OSBPL8: variants seen among roughly 807,000 people sequenced by gnomAD.
OSBPL8 encodes oxysterol-binding protein-related protein 8.
OSBPL8 carries 59 observed loss-of-function variants against 125.5 expected under a neutral mutation model. That is an observed-to-expected ratio of 0.47 (90% CI 0.38 to 0.58). The LOEUF is 0.58. OSBPL8 is among the 20% of genes least tolerant of loss of function. The pLI is 0.00. For synonymous variants in OSBPL8, 330 were observed against 338.9 expected, an observed-to-expected ratio of 0.97 and a Z score of 0.29; for missense variants, 758 against 1,047.8, an observed-to-expected ratio of 0.72 and a Z score of 3.82.
chr12:76,401,240 T>C (rs1954040650), intron 6 of OSBPL8, among the ~76,000 whole-genome samples: 1 of 152,198 alleles, frequency 6.6e-6, no homozygotes, highest in African/African-American at 2.4e-5. Context: ...TTTTCAGACC[T>C]TTTCTAAGTA....
At chr12:76,429,307 A>G (rs1030750391) in intron 4 of OSBPL8, among the ~76,000 whole-genome samples, 95 of 119,624 alleles carry the variant, frequency 7.9e-4, no homozygotes, top group African/African-American at 2.4e-3. Flanking sequence ...AAATCATCCA[A>G]TAAAAATTTA....
chr12:76,505,483 T>A (rs1392757063), intron 1 of OSBPL8, among the ~76,000 whole-genome samples: 1 of 152,150 alleles, frequency 6.6e-6, no homozygotes, highest in African/African-American at 2.4e-5. Flanking sequence ...GATAATTTTT[T>A]AAAATTAAAC....
rs1354578738 is a variant in OSBPL8, at chr12:76,516,285, G to GA, written c.-67-28668dup. 1.7e-4 allele frequency among the ~76,000 whole-genome samples: 26 copies of GA among 152,176 alleles called. 1 individual carries two copies. The highest frequency in any genetic ancestry group is 1.7e-3 in the Admixed American group (26 of 15,276). On this transcript the variant is annotated intron_variant, in intron 1 of 23. Transcript: ENST00000261183. Reference sequence around the variant, plus strand: ...GAAAGACATTTTTAACACCAGGGATGAAAAATCAAGACCAAGAGAAATCTG... The same window carrying GA: ...GAAAGACATTTTTAACACCAGGGATGAAAAAATCAAGACCAAGAGAAATCTG...
intron 4 of OSBPL8, among the ~76,000 whole-genome samples, chr12:76,413,835 T>A (rs1170692208): frequency 1.3e-5 from 2 of 152,206 alleles, no homozygotes; most frequent in Non-Finnish European, 2.9e-5. Context: ...ATAGTCTAGA[T>A]ACTAGTCCTT....
intron 1 of OSBPL8, among the ~76,000 whole-genome samples, chr12:76,490,647 T>C (rs1266645955): frequency 6.6e-6 from 1 of 152,226 alleles, no homozygotes; most frequent in Non-Finnish European, 1.5e-5. Flanking sequence ...AATTTGTTCA[T>C]GTAACCTCAT....
intron 23 of OSBPL8, 116 bp from the exon 24 acceptor site, chr12:76,356,137 T>C: frequency 6.8e-6 from 1 of 147,828 alleles, no homozygotes; most frequent in Non-Finnish European, 1.1e-5. Context: ...TTTTAGTTGC[T>C]GGGTCATGGG....
intron 1 of OSBPL8, among the ~76,000 whole-genome samples, chr12:76,533,861 T>C (rs1950418419): frequency 6.6e-6 from 1 of 152,210 alleles, no homozygotes; most frequent in Non-Finnish European, 1.5e-5. Flanking sequence ...CTATAGTCAT[T>C]TCCAGTAGGT....
chr12:76,453,906 A>G (rs1276257446), intron 3 of OSBPL8, among the ~76,000 whole-genome samples: 1 of 152,226 alleles, frequency 6.6e-6, no homozygotes, highest in African/African-American at 2.4e-5. Context: ...ACAGTGATTC[A>G]CAAAAGAAAA....
rs143891127 is a variant in OSBPL8, at chr12:76,408,233, G to A, written c.288+2331C>T. 2.0e-3 allele frequency among the ~76,000 whole-genome samples: 299 copies of A among 151,286 alleles called. 1 individual carries two copies. The highest frequency in any genetic ancestry group is 6.8e-3 in the African/African-American group (281 of 41,252). The stretch of plus-strand genomic sequence containing the variant: ...TCCCAGCATTCTGGGAGGCCGAGGC[G>A]GGCAGATTACAAGGTCAGGAGATCG... On this transcript the variant is annotated intron_variant, in intron 5 of 23. Transcript: ENST00000261183.
intron 4 of OSBPL8, among the ~76,000 whole-genome samples, chr12:76,425,234 A>G (rs1467728303): frequency 6.6e-6 from 1 of 152,210 alleles, no homozygotes; most frequent in Admixed American, 6.5e-5. Context: ...GCAAGGTCTC[A>G]AAATTTTATT....
chr12:76,507,639 G>A (rs1880544091), intron 1 of OSBPL8, among the ~76,000 whole-genome samples: 1 of 151,446 alleles, frequency 6.6e-6, no homozygotes, highest in South Asian at 2.1e-4. Flanking sequence ...GGCCAACATG[G>A]TGAAACCCCA....
chr12:76,496,465 G>C (rs1480434119), intron 1 of OSBPL8, among the ~76,000 whole-genome samples: 2 of 151,770 alleles, frequency 1.3e-5, no homozygotes, highest in Non-Finnish European at 1.5e-5. Context: ...CAACCACCTG[G>C]GTGCAAGCAA....
intron 4 of OSBPL8, among the ~76,000 whole-genome samples, chr12:76,417,358 T>C (rs1212997029): frequency 6.6e-6 from 1 of 152,222 alleles, no homozygotes; most frequent in Non-Finnish European, 1.5e-5. Flanking sequence ...CACTATGATG[T>C]GTTTAGGTTT....
chr12:76,494,629 A>G (rs1359096112), intron 1 of OSBPL8, among the ~76,000 whole-genome samples: 2 of 152,176 alleles, frequency 1.3e-5, no homozygotes, highest in Non-Finnish European at 2.9e-5. Flanking sequence ...ATGAGAAAAG[A>G]TACAAGATGA....
intron 17 of OSBPL8, 61 bp downstream of exon 17, chr12:76,375,212 T>C: frequency 8.8e-7 from 1 of 1,133,890 alleles, no homozygotes; most frequent in Non-Finnish European, 1.3e-6. Flanking sequence ...GTGCCCTTTA[T>C]TCAATATTTA....
intron 2 of OSBPL8, among the ~76,000 whole-genome samples, chr12:76,468,823 C>T (rs183254024): frequency 2.3e-4 from 35 of 152,264 alleles, no homozygotes; most frequent in African/African-American, 7.2e-4. Context: ...CTTTCTACGA[C>T]GATAGAAATA....
intron 1 of OSBPL8, among the ~76,000 whole-genome samples, chr12:76,497,348 T>C (rs955703666): frequency 1.1e-4 from 16 of 152,194 alleles, no homozygotes; most frequent in Admixed American, 1.3e-4. Context: ...TGATAAACTG[T>C]ATTTACAAAA....
chr12:76,401,036 G>A (rs949476776), intron 6 of OSBPL8, among the ~76,000 whole-genome samples: 9 of 151,908 alleles, frequency 5.9e-5, no homozygotes, highest in African/African-American at 1.7e-4. Flanking sequence ...TGATCCGCCC[G>A]CCTCTCAAAG....
At chr12:76,523,265 T>C (rs1171560287) in intron 1 of OSBPL8, among the ~76,000 whole-genome samples, 1 of 151,886 alleles carries the variant, frequency 6.6e-6, no homozygotes, top group Non-Finnish European at 1.5e-5. Flanking sequence ...TAAAGGAGAG[T>C]AGGGAAGGAA....
Sources: gnomAD v4.1 joint callset for allele counts (sites outside exome capture counted in the v4.1 genomes callset) on GRCh38, gnomAD v4.1.1 for gene constraint, MANE v1.5 for transcripts, NCBI Gene and HGNC (gene_info 2026-07-23, HGNC 2026-07-21) for gene names.